The following LRP1B variants were observed in gnomAD, a reference collection of about 807,000 sequenced individuals.
LRP1B encodes low-density lipoprotein receptor-related protein 1B.
A neutral mutation model predicts 556.6 loss-of-function variants in LRP1B; 217 were observed. The ratio of observed to expected loss-of-function variants is 0.39; its 90% CI spans 0.35 to 0.44. The LOEUF (loss-of-function observed/expected upper bound fraction) is 0.44, where lower values mean the gene tolerates loss of function less well. Ranked by LOEUF, LRP1B falls within the 20% of genes least tolerant of loss-of-function variation. The pLI is 1.00. For missense variants in LRP1B, 5,053 were observed against 5,620.8 expected (o/e 0.90, Z 3.23); for synonymous variants, 2,047 against 1,865.8 (o/e 1.10, Z -2.50).
At chr2:142,028,605 G>GGGTATTACAA (rs1703584215) in intron 1 of LRP1B, among the ~76,000 whole-genome samples, 3 of 151,930 alleles carry the variant, frequency 2.0e-5, no homozygotes, top group Non-Finnish European at 4.4e-5. Flanking sequence ...TCCAGTTTGA[G>GGGTATTACAA]GGTATTACAA....
At chr2:141,856,079 A>G (rs1698040627) in intron 1 of LRP1B, among the ~76,000 whole-genome samples, 1 of 152,156 alleles carries the variant, frequency 6.6e-6, no homozygotes, top group Non-Finnish European at 1.5e-5. Context: ...ATTTGTTTAT[A>G]CTATGTAGAG....
At chr2:140,605,795 C>T (rs1682846892) in intron 41 of LRP1B, among the ~76,000 whole-genome samples, 1 of 151,636 alleles carries the variant, frequency 6.6e-6, no homozygotes, top group Non-Finnish European at 1.5e-5. Flanking sequence ...GCTTATTTGA[C>T]AAAATTCAAT....
chr2:141,921,275 A>G (rs2104973669), intron 1 of LRP1B, among the ~76,000 whole-genome samples: 1 of 152,148 alleles, frequency 6.6e-6, no homozygotes, highest in Middle Eastern at 3.4e-3. Context: ...TCCACAAAAA[A>G]TTTAGTGAGA....
intron 41 of LRP1B, among the ~76,000 whole-genome samples, chr2:140,675,048 A>T (rs779428112): frequency 5.9e-5 from 9 of 152,168 alleles, no homozygotes; most frequent in Non-Finnish European, 8.8e-5. Flanking sequence ...GCTTGTGGCC[A>T]CTTCATTCTA....
intron 2 of LRP1B, among the ~76,000 whole-genome samples, chr2:141,767,933 GT>G (rs2105608889): frequency 6.6e-6 from 1 of 152,212 alleles, no homozygotes; most frequent in East Asian, 1.9e-4. Flanking sequence ...TGCATGGCTG[GT>G]TATTCTGTTC....
intron 58 of LRP1B, among the ~76,000 whole-genome samples, 192 bp from the exon 59 acceptor site, chr2:140,485,716 T>C (rs1688437456): frequency 6.6e-6 from 1 of 151,994 alleles, no homozygotes; most frequent in South Asian, 2.1e-4. Context: ...TGTAATTAGG[T>C]CCCTAGAACT....
At chr2:140,832,950 A>C (rs1417188767) in intron 31 of LRP1B, among the ~76,000 whole-genome samples, 1 of 152,228 alleles carries the variant, frequency 6.6e-6, no homozygotes, top group African/African-American at 2.4e-5. Context: ...CCTTGATTTA[A>C]TCTTTACATA....
intron 6 of LRP1B, among the ~76,000 whole-genome samples, chr2:141,218,231 T>C (rs1284632361): frequency 4.6e-5 from 7 of 152,190 alleles, no homozygotes; most frequent in Non-Finnish European, 1.0e-4. Context: ...TTTTGAGATT[T>C]CTCAAATAAC....
At chr2:140,372,914 A>G (rs1683055976) in intron 69 of LRP1B, 94 bp downstream of exon 69, 4 of 1,299,922 alleles carry the variant, frequency 3.1e-6, no homozygotes, top group Non-Finnish European at 4.4e-6. Flanking sequence ...AACATATGAC[A>G]TATTTGCCAC....
chr2:141,039,778 G>A (rs567645391), intron 11 of LRP1B, among the ~76,000 whole-genome samples: 9 of 152,076 alleles, frequency 5.9e-5, no homozygotes, highest in Admixed American at 3.3e-4. Flanking sequence ...TTCATCATTT[G>A]ATAGGTTTTA....
intron 2 of LRP1B, among the ~76,000 whole-genome samples, chr2:141,749,506 T>C (rs1252552525): frequency 6.6e-6 from 1 of 152,162 alleles, no homozygotes; most frequent in East Asian, 1.9e-4. Flanking sequence ...CTGAATCTAA[T>C]GATAGGAATA....
intron 66 of LRP1B, among the ~76,000 whole-genome samples, chr2:140,431,526 C>T (rs1047656247): frequency 1.3e-5 from 2 of 152,122 alleles, no homozygotes; most frequent in African/African-American, 4.8e-5. Flanking sequence ...ACTGTTTCTC[C>T]AAGCCATCAC....
intron 32 of LRP1B, among the ~76,000 whole-genome samples, chr2:140,810,642 CT>C (rs1169124108): frequency 6.6e-6 from 1 of 152,080 alleles, no homozygotes; most frequent in Admixed American, 6.6e-5. Context: ...TCCCCTGATT[CT>C]CTTTGGTAAT....
chr2:140,892,300 G>C (rs1693821096), intron 23 of LRP1B, among the ~76,000 whole-genome samples: 1 of 152,080 alleles, frequency 6.6e-6, no homozygotes, highest in Admixed American at 6.6e-5. Context: ...GAAGTTCATA[G>C]ATGGGTGACT....
At chr2:141,366,668 T>C (rs372864996) in intron 3 of LRP1B, among the ~76,000 whole-genome samples, 1 of 152,248 alleles carries the variant, frequency 6.6e-6, no homozygotes, top group Non-Finnish European at 1.5e-5. Context: ...CAGAAAATCA[T>C]GACAAATTTA....
chr2:141,525,124 C>G (rs894216070), intron 2 of LRP1B, among the ~76,000 whole-genome samples: 3 of 152,004 alleles, frequency 2.0e-5, no homozygotes, highest in African/African-American at 7.2e-5. Flanking sequence ...GGACAAACAA[C>G]AGTTTCATCC....
At chr2:140,902,370 G>A (rs187782951) in intron 23 of LRP1B, among the ~76,000 whole-genome samples, 1 of 152,164 alleles carries the variant, frequency 6.6e-6, no homozygotes, top group East Asian at 1.9e-4. Flanking sequence ...GAAAACTGAA[G>A]CTCCACAGTG....
At chr2:140,740,816 C>A (rs1300206354) in intron 35 of LRP1B, among the ~76,000 whole-genome samples, 1 of 152,052 alleles carries the variant, frequency 6.6e-6, no homozygotes, top group African/African-American at 2.4e-5. Context: ...TGCATTTTTT[C>A]TGTGTACTAA....
intron 3 of LRP1B, among the ~76,000 whole-genome samples, chr2:141,467,134 A>ATATATC (rs1682258138): frequency 6.3e-5 from 1 of 15,812 alleles, no homozygotes; most frequent in African/African-American, 8.5e-5. Flanking sequence ...CTATATATAT[A>ATATATC]TATATATATA....
Sources: gnomAD v4.1 joint callset for allele counts (sites outside exome capture counted in the v4.1 genomes callset) on GRCh38, gnomAD v4.1.1 for gene constraint, MANE v1.5 for transcripts, NCBI Gene and HGNC (gene_info 2026-07-23, HGNC 2026-07-21) for gene names.